The following SIL1 variants were observed in gnomAD, a reference collection of about 807,000 sequenced individuals.
SIL1 encodes the protein SIL1 nucleotide exchange factor.
SIL1 carries 40 observed loss-of-function variants against 49.1 expected under a neutral mutation model. The ratio of observed to expected loss-of-function variants is 0.81; its 90% CI spans 0.63 to 1.06. The LOEUF (loss-of-function observed/expected upper bound fraction) is 1.06. Among genes scored for constraint, SIL1 ranks in the 50% least tolerant of loss-of-function variants. The pLI, the probability that SIL1 is intolerant of heterozygous loss-of-function variation, is 0.00. For missense variants in SIL1, 500 were observed against 572.6 expected (o/e 0.87, Z 1.29); for synonymous variants, 253 against 250.8 (o/e 1.01, Z -0.08).
intron 5 of SIL1, among the ~76,000 whole-genome samples, chr5:139,039,946 A>G (rs1769001758): frequency 6.6e-6 from 1 of 152,202 alleles, no homozygotes; most frequent in Admixed American, 6.5e-5. Flanking sequence ...GGAAAGACTG[A>G]TTCACTTAAA....
At chr5:138,991,358 G>A (rs182379329) in intron 7 of SIL1, among the ~76,000 whole-genome samples, 63 of 152,350 alleles carry the variant, frequency 4.1e-4, no homozygotes, top group East Asian at 5.8e-4. Context: ...ATGCAGTAGG[G>A]GCTGGGAGGC....
At chr5:139,107,368 C>T (rs1414126251) in intron 3 of SIL1, among the ~76,000 whole-genome samples, 2 of 151,754 alleles carry the variant, frequency 1.3e-5, no homozygotes, top group African/African-American at 4.8e-5. Flanking sequence ...TATTTTGAAA[C>T]AATTTTAGAC....
intron 4 of SIL1, among the ~76,000 whole-genome samples, chr5:139,046,078 C>T (rs1047453396): frequency 6.6e-6 from 1 of 152,206 alleles, no homozygotes; most frequent in Admixed American, 6.5e-5. Context: ...CCTGCAATTC[C>T]GGCACTTTGG....
intron 1 of SIL1, among the ~76,000 whole-genome samples, chr5:139,172,096 A>G (rs913042571): frequency 1.3e-5 from 2 of 152,198 alleles, no homozygotes; most frequent in Non-Finnish European, 2.9e-5. Flanking sequence ...AGAAGTGAAT[A>G]GAGACTAAGG....
chr5:139,021,775 C>T (rs1044321406), intron 6 of SIL1: 2 of 202,150 alleles, frequency 9.9e-6, no homozygotes, highest in Admixed American at 5.4e-5. Context: ...AGGGGGGTTG[C>T]CGTAAGAGTG....
chr5:139,131,120 A>C (rs1395527497), intron 1 of SIL1, among the ~76,000 whole-genome samples: 5 of 152,172 alleles, frequency 3.3e-5, no homozygotes. Flanking sequence ...AGCAAAACAA[A>C]CAAGAAAACC....
intron 3 of SIL1, among the ~76,000 whole-genome samples, chr5:139,112,239 G>A (rs1356250519): frequency 1.3e-5 from 2 of 152,236 alleles, no homozygotes; most frequent in African/African-American, 4.8e-5. Context: ...CCAAAGTGCC[G>A]AGATTGCAGC....
chr5:139,012,558 A>T (rs1316023751), intron 7 of SIL1: 2 of 152,232 alleles, frequency 1.3e-5, no homozygotes, highest in African/African-American at 4.8e-5. Context: ...CACACCAAAA[A>T]TTTAATATTA....
In SIL1 at chr5:139,026,956, T is replaced by C. The variant is rs1320329454; in HGVS notation, c.490A>G (p.Ile164Val). The C allele has an allele frequency of 4.3e-6, 7 of 1,614,062 alleles. No homozygotes were observed. In the South Asian group the frequency reaches 4.4e-5, roughly 10 times the overall value. Residue 164 changes from isoleucine (I) to valine (V), a missense_variant, in exon 6 of 10, where the codon ATT (isoleucine) becomes GTT (valine). Coordinates refer to ENST00000394817, the MANE Select transcript of SIL1 (RefSeq NM_022464.5). ...TCAAAGTCTTTCTTCAGTTCCTCAA[T>C]GGGGCGGAAGAGCCGCTTTACCTCA... ...QAEVKRLFRP[I>V]EELKKDFDEL...
intron 3 of SIL1, among the ~76,000 whole-genome samples, chr5:139,114,818 C>G (rs547173521): frequency 6.6e-6 from 1 of 152,318 alleles, no homozygotes; most frequent in Non-Finnish European, 1.5e-5. Flanking sequence ...CAGGCTGTTT[C>G]TTCTATTTAG....
intron 1 of SIL1, among the ~76,000 whole-genome samples, chr5:139,186,821 T>C (rs1752084062): frequency 6.6e-6 from 1 of 152,178 alleles, no homozygotes. Flanking sequence ...AGATGCAGTG[T>C]CTGCCCTCTA....
At chr5:139,091,853 T>C (rs1025145507) in intron 3 of SIL1, among the ~76,000 whole-genome samples, 1 of 152,050 alleles carries the variant, frequency 6.6e-6, no homozygotes, top group Non-Finnish European at 1.5e-5. Context: ...AATGAGACGG[T>C]GTTTGAAGCC....
At chr5:139,140,337 T>G (rs1373054305) in intron 1 of SIL1, among the ~76,000 whole-genome samples, 2 of 151,900 alleles carry the variant, frequency 1.3e-5, no homozygotes, top group Non-Finnish European at 2.9e-5. Flanking sequence ...GGGTACTCCT[T>G]AAACTAATTG....
intron 3 of SIL1, among the ~76,000 whole-genome samples, chr5:139,102,800 C>T (rs566407329): frequency 4.0e-5 from 6 of 151,788 alleles, no homozygotes; most frequent in Admixed American, 2.0e-4. Context: ...CCGCAACCTC[C>T]GCCTCCCAGG....
intron 1 of SIL1, 122 bp from the exon 2 acceptor site, chr5:139,127,975 G>T (rs939699261): frequency 4.2e-6 from 3 of 712,484 alleles, no homozygotes; most frequent in Non-Finnish European, 5.1e-6. Context: ...GAGGTATAAC[G>T]AGTCTTCTAC....
intron 1 of SIL1, among the ~76,000 whole-genome samples, chr5:139,136,306 A>G (rs964616929): frequency 1.3e-5 from 2 of 152,222 alleles, no homozygotes; most frequent in African/African-American, 4.8e-5. Context: ...TTATCAATGG[A>G]TCCAGGAAGG....
chr5:138,987,513 C>A lies in SIL1; in HGVS notation c.767+33658G>T, dbSNP rs1392150637. 2.0e-5 allele frequency among the ~76,000 whole-genome samples: 3 copies of A among 152,128 alleles called. No homozygotes were observed. The East Asian group carries it at 5.8e-4, about 29-fold the overall frequency. On this transcript the variant is annotated intron_variant, in intron 7 of 9. Coordinates refer to ENST00000394817, the MANE Select transcript of SIL1 (RefSeq NM_022464.5). ...CAGGGAGGTCAGGGAAGATAGGGCA[C>A]CATATTCTTTTCAATGTGTAGGACC...
chr5:139,091,086 T>C (rs1393073861), intron 3 of SIL1, among the ~76,000 whole-genome samples: 1 of 152,232 alleles, frequency 6.6e-6, no homozygotes, highest in African/African-American at 2.4e-5. Context: ...AACTACTCTA[T>C]AATCTGGGAG....
At chr5:138,952,450 C>T (rs1398084226) in intron 7 of SIL1, among the ~76,000 whole-genome samples, 2 of 152,190 alleles carry the variant, frequency 1.3e-5, no homozygotes, top group Admixed American at 6.5e-5. Flanking sequence ...CTCTGAATAC[C>T]CAGGCAGATC....
Sources: gnomAD v4.1 joint callset for allele counts (sites outside exome capture counted in the v4.1 genomes callset) on GRCh38, gnomAD v4.1.1 for gene constraint, MANE v1.5 for transcripts, NCBI Gene and HGNC (gene_info 2026-07-23, HGNC 2026-07-21) for gene names.